Variants in ANO1 observed in about 807,000 individuals in gnomAD.
ANO1 encodes anoctamin-1.
ANO1 carries 59 observed loss-of-function variants against 124.0 expected under a neutral mutation model. The observed-to-expected ratio is 0.48, with a 90% CI of 0.39 to 0.59. The LOEUF is 0.59. Ranked by LOEUF, ANO1 falls within the 20% of genes least tolerant of loss-of-function variation. ANO1 has a pLI of 0.00. For missense variants in ANO1, 1,059 were observed against 1,328.0 expected, an observed-to-expected ratio of 0.80 and a Z score of 3.15; for synonymous variants, 529 against 532.0, an observed-to-expected ratio of 0.99 and a Z score of 0.08.
intron 1 of ANO1, among the ~76,000 whole-genome samples, chr11:70,012,756 C>T (rs960021965): frequency 6.6e-6 from 1 of 152,146 alleles, no homozygotes; most frequent in East Asian, 1.9e-4. Flanking sequence ...TCTATCTATT[C>T]GTCCACACAT....
chr11:70,091,667 G>A (rs1211529246), intron 2 of ANO1, among the ~76,000 whole-genome samples: 2 of 152,220 alleles, frequency 1.3e-5, no homozygotes, highest in Non-Finnish European at 2.9e-5. Flanking sequence ...ACCATCTGCT[G>A]TGGCCAGGAC....
At chr11:70,067,810 A>G (rs1470138547) in intron 1 of ANO1, among the ~76,000 whole-genome samples, 1 of 152,040 alleles carries the variant, frequency 6.6e-6, no homozygotes, top group African/African-American at 2.4e-5. Context: ...CCTAGTTACC[A>G]GTGACCGTTT....
intron 25 of ANO1, among the ~76,000 whole-genome samples, chr11:70,186,721 C>T (rs1388178166): frequency 6.6e-6 from 1 of 152,168 alleles, no homozygotes; most frequent in Non-Finnish European, 1.5e-5. Context: ...CCTCTAGTCT[C>T]GATTAAGTCG....
At chr11:70,142,120 C>G (rs1386757884) in intron 11 of ANO1, among the ~76,000 whole-genome samples, 1 of 152,148 alleles carries the variant, frequency 6.6e-6, no homozygotes, top group African/African-American at 2.4e-5. Context: ...GCCTTGAGCC[C>G]TATTTAGCTA....
intron 16 of ANO1, among the ~76,000 whole-genome samples, chr11:70,158,211 C>T (rs1035065012): frequency 6.6e-5 from 10 of 152,342 alleles, no homozygotes; most frequent in Admixed American, 2.6e-4. Context: ...TAGGGGATTT[C>T]AATCCCAGGG....
upstream of ANO1, among the ~76,000 whole-genome samples, chr11:69,983,875 A>G (rs1855978802): frequency 6.6e-6 from 1 of 152,280 alleles, no homozygotes; most frequent in Non-Finnish European, 1.5e-5. Context: ...ATCAACATCT[A>G]TTAATGGCTG....
intron 2 of ANO1, among the ~76,000 whole-genome samples, chr11:70,099,092 C>A (rs1007070622): frequency 3.9e-5 from 6 of 152,140 alleles, no homozygotes; most frequent in African/African-American, 1.4e-4. Context: ...GGCCTCACCA[C>A]CCCCACGGCC....
chr11:70,055,967 C>A (rs1857426134), intron 1 of ANO1, among the ~76,000 whole-genome samples: 1 of 151,270 alleles, frequency 6.6e-6, no homozygotes, highest in Admixed American at 6.6e-5. Context: ...ACTTCATTTA[C>A]CTTCCCTCCC....
intron 1 of ANO1, among the ~76,000 whole-genome samples, chr11:70,034,887 G>C (rs1168486288): frequency 6.6e-6 from 1 of 151,968 alleles, no homozygotes; most frequent in Non-Finnish European, 1.5e-5. Context: ...AGCCCAGCAG[G>C]GACTCTGCTT....
chr11:70,036,129 G>T lies in ANO1; in HGVS notation c.59-42413G>T, dbSNP rs147360250. Among the ~76,000 whole-genome samples, 554 of 152,274 alleles carry T rather than the reference G, an allele frequency of 3.6e-3. 1 individual carries two copies. The highest frequency in any genetic ancestry group is 0.013 in the African/African-American group (534 of 41,560). On this transcript the variant is annotated intron_variant, in intron 1 of 27. Transcript: ENST00000531349. ...AAATTTATTCCCTCACCATTAGGAG[G>T]CCAGAAGTCCAAAATCAAGGTGCCA... is the stretch of plus-strand genomic sequence containing the variant.
chr11:70,073,744 G>C (rs1362084391), upstream of ANO1, among the ~76,000 whole-genome samples: 1 of 152,114 alleles, frequency 6.6e-6, no homozygotes, highest in Admixed American at 6.5e-5. Flanking sequence ...CAGAAGGCAG[G>C]CCTTGTGTTC....
At chr11:69,967,262 T>C in the ANO1 span, among the ~76,000 whole-genome samples, 28 of 150,716 alleles carry the variant, frequency 1.9e-4, no homozygotes, top group Admixed American at 8.6e-4. Flanking sequence ...TCCGAGCGCC[T>C]GTATTGCACG....
intron 1 of ANO1, among the ~76,000 whole-genome samples, chr11:70,000,669 A>G (rs1554999118): frequency 6.6e-6 from 1 of 151,628 alleles, no homozygotes; most frequent in African/African-American, 2.4e-5. Context: ...GTTACTCAAC[A>G]GAAATGCACA....
At chr11:70,081,747 C>T (rs1334190043) in intron 1 of ANO1, among the ~76,000 whole-genome samples, 1 of 152,134 alleles carries the variant, frequency 6.6e-6, no homozygotes, top group African/African-American at 2.4e-5. Flanking sequence ...CCCCTTCTGC[C>T]CTTTTGTTGG....
At chr11:70,136,588 A>T (rs777695837) in intron 11 of ANO1, among the ~76,000 whole-genome samples, 6 of 147,496 alleles carry the variant, frequency 4.1e-5, no homozygotes, top group Non-Finnish European at 9.1e-5. Context: ...AGGGCCTGCA[A>T]GCCTCTGTGA....
chr11:70,018,428 G>T (rs1452891684), intron 1 of ANO1: 1 of 152,186 alleles, frequency 6.6e-6, no homozygotes, highest in African/African-American at 2.4e-5. Context: ...GGCCCTTTGT[G>T]GGCAGGTGGG....
intron 1 of ANO1, among the ~76,000 whole-genome samples, chr11:70,063,087 G>A (rs1436616369): frequency 2.6e-5 from 4 of 151,990 alleles, no homozygotes; most frequent in African/African-American, 4.8e-5. Flanking sequence ...ATGCCACCAC[G>A]CCCAGCTAAT....
At chr11:70,134,224 T>G (rs2046869094) in intron 11 of ANO1, among the ~76,000 whole-genome samples, 1 of 152,182 alleles carries the variant, frequency 6.6e-6, no homozygotes, top group Non-Finnish European at 1.5e-5. Context: ...GCAGCTCTGT[T>G]TCCTCATTTG....
At chr11:70,169,897 G>A (rs926659113) in intron 21 of ANO1, 1 of 274,756 alleles carries the variant, frequency 3.6e-6, no homozygotes, top group African/African-American at 2.2e-5. Context: ...AACGCCCTTG[G>A]ACTGGGTCCT....
Sources: allele counts gnomAD v4.1 joint callset (sites outside exome capture counted in the v4.1 genomes callset), GRCh38; gene constraint gnomAD v4.1.1; transcripts MANE v1.5; gene names NCBI Gene and HGNC (gene_info 2026-07-23, HGNC 2026-07-21).